Variants in PIK3AP1 observed in about 807,000 individuals in gnomAD.
The protein encoded by PIK3AP1 is phosphoinositide-3-kinase adaptor protein 1, also known as phosphoinositide 3-kinase adapter protein 1.
PIK3AP1 carries 21 observed loss-of-function variants against 88.1 expected under a neutral mutation model. The ratio of observed to expected loss-of-function variants is 0.24; its 90% confidence interval spans 0.17 to 0.34. The LOEUF is 0.34. Among genes scored for constraint, PIK3AP1 ranks in the 10% least tolerant of loss-of-function variants. The pLI is 1.00. For missense variants in PIK3AP1, 828 were observed against 1,035.7 expected (o/e 0.80, Z 2.75); for synonymous variants, 398 against 400.0 (o/e 1.00, Z 0.06).
chr10:96,646,966 A>C (rs1011517334), intron 7 of PIK3AP1, among the ~76,000 whole-genome samples: 3 of 152,162 alleles, frequency 2.0e-5, no homozygotes, highest in African/African-American at 7.2e-5. Flanking sequence ...TAGTTTCCTC[A>C]CGAGACCCAA....
chr10:96,705,297 G>A (rs550317379), intron 2 of PIK3AP1, among the ~76,000 whole-genome samples: 124 of 152,240 alleles, frequency 8.1e-4, no homozygotes, highest in African/African-American at 2.9e-3. Context: ...CTTCTTGTAA[G>A]GGAATGTTAT....
At chr10:96,646,555 A>C (rs1212554813) in intron 7 of PIK3AP1, among the ~76,000 whole-genome samples, 1 of 152,146 alleles carries the variant, frequency 6.6e-6, no homozygotes, top group Non-Finnish European at 1.5e-5. Flanking sequence ...AAATGAGCTG[A>C]ACAGGAATGC....
At chr10:96,702,925 G>A (rs1334585288) in intron 2 of PIK3AP1, among the ~76,000 whole-genome samples, 1 of 152,078 alleles carries the variant, frequency 6.6e-6, no homozygotes, top group Non-Finnish European at 1.5e-5. Context: ...CTCCCAGGCT[G>A]GAGTGCAGTG....
chr10:96,603,913 G>T, intron 15 of PIK3AP1, 66 bp downstream of exon 15: 1 of 1,398,610 alleles, frequency 7.1e-7, no homozygotes. Flanking sequence ...TTTCACCTGG[G>T]TTTCTATCTC....
chr10:96,719,984 C>CA, intron 1 of PIK3AP1, among the ~76,000 whole-genome samples: 1 of 152,316 alleles, frequency 6.6e-6, no homozygotes, highest in East Asian at 1.9e-4. Flanking sequence ...CCTGTGGGTC[C>CA]ACGGAGCCCA....
rs1195765955 is a variant in PIK3AP1 at position 96,602,318 on chromosome 10, C to T, written c.2322G>A (p.Glu774=). The change falls in exon 16 of 17, where the codon GAG becomes GAA. Residue 774 remains glutamate (E), a synonymous_variant. Coordinates refer to ENST00000339364, the MANE Select transcript of PIK3AP1 (RefSeq NM_152309.3). ...QVDGTPTMSL[E]RPPRVPPRAA... ...CTCTCGGAGGCACCCTGGGGGGTCT[C>T]TCGAGGGACATGGTGGGTGTCCCAT... 4 of 1,609,578 alleles carry T rather than the reference C, an allele frequency of 2.5e-6. No homozygotes were observed. In the South Asian group the frequency reaches 3.3e-5, roughly 13 times the overall value.
At chr10:96,700,507 A>G (rs116632338) in intron 2 of PIK3AP1, among the ~76,000 whole-genome samples, 52 of 152,332 alleles carry the variant, frequency 3.4e-4, no homozygotes, top group African/African-American at 1.2e-3. Flanking sequence ...TTTTAGTGAC[A>G]TTGGAAGGAT....
chr10:96,640,063 G>A (rs1843363683), intron 8 of PIK3AP1, among the ~76,000 whole-genome samples: 1 of 152,136 alleles, frequency 6.6e-6, no homozygotes, highest in Admixed American at 6.6e-5. Flanking sequence ...GGTTGCTAAG[G>A]GAAGCTGGCA....
At chr10:96,647,990 G>A (rs1843483343) in intron 7 of PIK3AP1, among the ~76,000 whole-genome samples, 2 of 152,212 alleles carry the variant, frequency 1.3e-5, no homozygotes, top group South Asian at 4.1e-4. Flanking sequence ...AGGAGGAGCT[G>A]AGGGCCCCAA....
intron 2 of PIK3AP1, among the ~76,000 whole-genome samples, chr10:96,702,288 C>G (rs1844307307): frequency 6.6e-6 from 1 of 152,092 alleles, no homozygotes; most frequent in African/African-American, 2.4e-5. Context: ...ATCATGAGGT[C>G]AAGACATCGA....
intron 12 of PIK3AP1, 106 bp from the exon 13 acceptor site, chr10:96,616,817 C>G: frequency 9.2e-7 from 1 of 1,084,990 alleles, no homozygotes; most frequent in Non-Finnish European, 1.4e-6. Flanking sequence ...TATCACATTG[C>G]AGTCACATTT....
chr10:96,623,228 A>G (rs1843110988), intron 11 of PIK3AP1, among the ~76,000 whole-genome samples: 1 of 151,948 alleles, frequency 6.6e-6, no homozygotes, highest in Non-Finnish European at 1.5e-5. Context: ...TATCTAATTA[A>G]TTAATTTATT....
At position 96,626,727 on chromosome 10, in the gene PIK3AP1, G is replaced by A. The variant is rs749043096; in HGVS notation, c.1650C>T (p.Asn550=). ...TAPGAHQLPD[N]EPYIFKVFAE... ...ACTTGCCTTTAAAAATGTATGGTTC[G>A]TTGTCAGGCAGCTGGTGAGCACCAG... is the stretch of plus-strand genomic sequence containing the variant. The change falls in exon 10 of 17, where the codon AAC becomes AAT. Residue 550 remains asparagine, a synonymous_variant. Coordinates refer to ENST00000339364, the MANE Select transcript of PIK3AP1 (RefSeq NM_152309.3). The A allele has an allele frequency of 5.6e-5, 91 of 1,614,058 alleles. 2 individuals carry two copies. In the Middle Eastern group the frequency reaches 3.0e-3, roughly 52 times the overall value.
At chr10:96,681,994 G>GTA (rs201677363) in intron 2 of PIK3AP1, among the ~76,000 whole-genome samples, 70 of 147,174 alleles carry the variant, frequency 4.8e-4, no homozygotes, top group Non-Finnish European at 7.9e-4. Context: ...ATATGTGTGT[G>GTA]TATATATATA....
Position 96,609,725 on chromosome 10 carries a change from G to A in PIK3AP1, c.2157C>T (p.Thr719=). ...LRRGDWKTDS[T]SSTASSTSNR... ...CCAGCTGCTCACTTGCTGTGCTGGA[G>A]GTGCTGTCTGTTTTCCAGTCTCCTC... The change falls in exon 14 of 17, where the codon ACC becomes ACT. Residue 719 remains threonine, a synonymous_variant. Transcript: ENST00000339364. The A allele has an allele frequency of 6.2e-7, 1 of 1,614,004 alleles. No individual in the cohort carries two copies. Among genetic ancestry groups the A allele is most frequent in the Non-Finnish European group, 8.5e-7 (1 of 1,179,946 alleles).
intron 2 of PIK3AP1, among the ~76,000 whole-genome samples, chr10:96,661,270 A>G (rs1843682279): frequency 6.6e-6 from 1 of 152,168 alleles, no homozygotes; most frequent in African/African-American, 2.4e-5. Flanking sequence ...TGGATCACTG[A>G]TTGCCAGTGG....
chr10:96,648,755 C>T lies in PIK3AP1; in HGVS notation c.1089G>A (p.Gln363=). Residue 363 remains glutamine, a synonymous_variant, in exon 7 of 17, where the codon CAG becomes CAA. Transcript: ENST00000339364. ...CATGCTTGTTGGCCACGCTGTACGC[C>T]TGCAGGGCTCCTGGGCAGGTGAGCA... ...ALLLTCPGAL[Q]AYSVANKHGH... 4 of 1,610,898 alleles carry T rather than the reference C, an allele frequency of 2.5e-6. No individual in the cohort carries two copies. The highest frequency in any genetic ancestry group is 1.1e-5 in the South Asian group (1 of 90,216).
intron 12 of PIK3AP1, chr10:96,618,652 A>T (rs981506181): frequency 1.3e-5 from 2 of 152,448 alleles, no homozygotes; most frequent in African/African-American, 4.8e-5. Context: ...ACTACGTACC[A>T]GTTATGCTGC....
At chr10:96,663,552 C>T (rs1843721534) in intron 2 of PIK3AP1, among the ~76,000 whole-genome samples, 2 of 148,014 alleles carry the variant, frequency 1.4e-5, no homozygotes, top group South Asian at 4.3e-4. Flanking sequence ...ATCACTTGAA[C>T]CCAGGAGGCA....
Sources: allele counts gnomAD v4.1 joint callset (sites outside exome capture counted in the v4.1 genomes callset), GRCh38; gene constraint gnomAD v4.1.1; transcripts MANE v1.5; gene names NCBI Gene and HGNC (gene_info 2026-07-23, HGNC 2026-07-21).